The following PNPLA1 variants were observed in gnomAD, a reference collection of about 807,000 sequenced individuals.
The protein encoded by PNPLA1 is omega-hydroxyceramide transacylase.
In PNPLA1, 36 loss-of-function variants were observed where a neutral mutation model predicts 51.7. The observed-to-expected ratio is 0.70, with a 90% CI of 0.53 to 0.92. The LOEUF (loss-of-function observed/expected upper bound fraction) is 0.92. Ranked by LOEUF, PNPLA1 falls within the 40% of genes least tolerant of loss-of-function variation. The pLI is 0.00. For missense variants in PNPLA1, 658 were observed against 682.5 expected (o/e 0.96, Z 0.40); for synonymous variants, 293 against 280.1 (o/e 1.05, Z -0.46).
intron 1 of PNPLA1, among the ~76,000 whole-genome samples, chr6:36,288,826 A>G (rs1770588400): frequency 6.6e-6 from 1 of 152,066 alleles, no homozygotes; most frequent in Non-Finnish European, 1.5e-5. Flanking sequence ...AATCCCAGCT[A>G]CTCAAGAGGC....
chr6:36,278,309 T>C (rs1435895236), intron 1 of PNPLA1, among the ~76,000 whole-genome samples: 4 of 152,250 alleles, frequency 2.6e-5, no homozygotes, highest in Non-Finnish European at 4.4e-5. Flanking sequence ...GTTTGCTGGC[T>C]ATTGGCCAGT....
intron 1 of PNPLA1, among the ~76,000 whole-genome samples, chr6:36,273,833 C>T (rs926839002): frequency 4.0e-5 from 6 of 151,098 alleles, no homozygotes; most frequent in Admixed American, 3.3e-4. Flanking sequence ...CCTACTTGGC[C>T]GGGCTGTGAC....
intron 2 of PNPLA1, 45 bp downstream of exon 2, chr6:36,291,597 G>GGGGGGGGGTGGGC: frequency 1.9e-6 from 1 of 532,586 alleles, no homozygotes. Context: ...GGGGGCGGGG[G>GGGGGGGGGTGGGC]AGGGCGGCTC....
intron 1 of PNPLA1, among the ~76,000 whole-genome samples, chr6:36,251,354 T>A (rs2127311469): frequency 6.6e-6 from 1 of 152,286 alleles, no homozygotes; most frequent in South Asian, 2.1e-4. Context: ...AGCAATGTCA[T>A]AATAGATGCT....
At chr6:36,264,237 C>A (rs1769714866) in intron 1 of PNPLA1, among the ~76,000 whole-genome samples, 1 of 152,188 alleles carries the variant, frequency 6.6e-6, no homozygotes. Flanking sequence ...AGGATGTACA[C>A]AAAAGGATTC....
At chr6:36,253,211 A>G (rs1356469570) in intron 1 of PNPLA1, among the ~76,000 whole-genome samples, 1 of 152,172 alleles carries the variant, frequency 6.6e-6, no homozygotes, top group African/African-American at 2.4e-5. Context: ...AATAGAGGGG[A>G]AGTCTAGTTC....
chr6:36,305,044 A>G (rs538238154), intron 6 of PNPLA1, among the ~76,000 whole-genome samples: 61 of 152,314 alleles, frequency 4.0e-4, no homozygotes, highest in Non-Finnish European at 6.2e-4. Flanking sequence ...CTGAGCCTCA[A>G]TGGTGACATC....
At chr6:36,293,550 A>G (rs944871982) in intron 3 of PNPLA1, among the ~76,000 whole-genome samples, 3 of 152,194 alleles carry the variant, frequency 2.0e-5, no homozygotes, top group Admixed American at 2.0e-4. Flanking sequence ...GTTCTGATCC[A>G]GGCGGTCTGA....
At chr6:36,281,885 G>A (rs768970929) in intron 1 of PNPLA1, among the ~76,000 whole-genome samples, 2 of 151,726 alleles carry the variant, frequency 1.3e-5, no homozygotes, top group African/African-American at 4.9e-5. Context: ...GCCGGGCATG[G>A]TGGTAGGCAT....
chr6:36,252,598 G>A (rs1360939026), intron 1 of PNPLA1, among the ~76,000 whole-genome samples: 5 of 151,684 alleles, frequency 3.3e-5, no homozygotes. Flanking sequence ...GGAAGACACA[G>A]GTACTTAATG....
intron 1 of PNPLA1, among the ~76,000 whole-genome samples, chr6:36,279,945 C>T (rs1363003747): frequency 1.3e-5 from 2 of 151,926 alleles, no homozygotes; most frequent in African/African-American, 4.8e-5. Context: ...TGGTGGCTCA[C>T]GCCTGTAATC....
chr6:36,245,332 A>T (rs540938736), intron 1 of PNPLA1, among the ~76,000 whole-genome samples: 1 of 152,348 alleles, frequency 6.6e-6, no homozygotes, highest in African/African-American at 2.4e-5. Context: ...TTAAGATGTT[A>T]TCTTAAGTTT....
At position 36,294,272 on chromosome 6, in the gene PNPLA1, A is replaced by C; in HGVS notation, c.587A>C (p.Gln196Pro). Residue 196 changes from glutamine (Q) to proline (P), a missense_variant, in exon 4 of 9, where the codon CAG (glutamine) becomes CCG (proline). By Grantham distance (76) the Gln-to-Pro change is moderately conservative. Transcript: ENST00000636260. This position sits in a 1 kb window ranked among gnomAD's most constrained non-coding sequence, Gnocchi z 4.2. ...ATCACCATCTCCACCTTCAGTGGGC[A>C]GCAGGACATCTGTCCCCGGGACTGC... ...DAITISTFSG[Q>P]QDICPRDCPA... 6.2e-7 allele frequency: 1 copy of C among 1,614,222 alleles called. No homozygotes were observed. Among genetic ancestry groups the C allele is most frequent in the Non-Finnish European group, 8.5e-7 (1 of 1,180,028 alleles).
chr6:36,278,238 G>T (rs993515642), intron 1 of PNPLA1, among the ~76,000 whole-genome samples: 1 of 152,188 alleles, frequency 6.6e-6, no homozygotes, highest in Non-Finnish European at 1.5e-5. Context: ...CTGAGATCTT[G>T]TGGGTCCTAT....
chr6:36,273,079 A>G (rs969424702), intron 1 of PNPLA1, among the ~76,000 whole-genome samples: 1 of 151,816 alleles, frequency 6.6e-6, no homozygotes, highest in African/African-American at 2.4e-5. Context: ...CCCCTTCTCT[A>G]CTAAAAAAAT....
rs73421652 is a variant in PNPLA1 at position 36,295,355 on chromosome 6, C to T, written c.715-9C>T. 6.1e-3 allele frequency: 9,851 copies of T among 1,614,106 alleles called. 273 individuals carry two copies. The African/African-American group carries it at 0.077, about 13-fold the overall frequency. On this transcript the variant is annotated splice_polypyrimidine_tract_variant and intron_variant, in intron 4 of 8. Coordinates refer to ENST00000636260, the MANE Select transcript of PNPLA1 (RefSeq NM_001374623.1). ...GCCTTGGTAATTCTCCTGGTGCCTCCGCCCACAGATCCTGCACGATTACTA... is the reference window on the plus strand; with the variant it reads ...GCCTTGGTAATTCTCCTGGTGCCTCTGCCCACAGATCCTGCACGATTACTA...
upstream of PNPLA1, among the ~76,000 whole-genome samples, chr6:36,269,473 T>A (rs1380915579): frequency 6.6e-6 from 1 of 152,168 alleles, no homozygotes. Flanking sequence ...CCTCCCCAGC[T>A]GCTCCTCCTT....
Position 36,291,443 on chromosome 6 carries a change from A to G in PNPLA1, c.329A>G (p.Glu110Gly). 6.2e-7 allele frequency: 1 copy of G among 1,614,074 alleles called. No individual in the cohort carries two copies. Among genetic ancestry groups the G allele is most frequent in the Non-Finnish European group, 8.5e-7 (1 of 1,180,018 alleles). The change falls in exon 2 of 9, where the codon GAG becomes GGG. Residue 110 changes from glutamate to glycine, a missense_variant. By Grantham distance (98) the Glu-to-Gly change is moderately conservative. Transcript: ENST00000636260. ...CAGTTTCTGTACCGGGTCCTGCCCG[A>G]GGACTCCTACAAGGTCACCACGGGG... ...MRQFLYRVLPEDSYKVTTGKL... is the reference protein window; with the variant it reads ...MRQFLYRVLPGDSYKVTTGKL...
chr6:36,273,949 C>T (rs899532534), intron 1 of PNPLA1, among the ~76,000 whole-genome samples: 1 of 151,950 alleles, frequency 6.6e-6, no homozygotes, highest in Non-Finnish European at 1.5e-5. Context: ...TCGCAGAAGT[C>T]CAGGGAAGGG....
Sources: allele counts gnomAD v4.1 joint callset (sites outside exome capture counted in the v4.1 genomes callset), GRCh38; gene constraint gnomAD v4.1.1; non-coding constraint Gnocchi (gnomAD v3.1); transcripts MANE v1.5; gene names NCBI Gene and HGNC (gene_info 2026-07-23, HGNC 2026-07-21).